The following PARP11 variants were observed in gnomAD, a reference collection of about 807,000 sequenced individuals.
PARP11 encodes the protein poly(ADP-ribose) polymerase family member 11, also known as protein mono-ADP-ribosyltransferase PARP11.
In PARP11, 31 loss-of-function variants were observed where a neutral mutation model predicts 42.9. The observed-to-expected ratio is 0.72, with a 90% confidence interval of 0.54 to 0.98. The LOEUF is 0.98. Ranked by LOEUF, PARP11 falls within the 50% of genes least tolerant of loss-of-function variation. The pLI is 0.00. For missense variants in PARP11, 365 were observed against 413.1 expected, an observed-to-expected ratio of 0.88 and a Z score of 1.01; for synonymous variants, 137 against 127.3, an observed-to-expected ratio of 1.08 and a Z score of -0.51.
chr12:3,861,781 T>C lies in PARP11; in HGVS notation c.18+11431A>G, dbSNP rs1408930927. Among the ~76,000 whole-genome samples, 2 of 152,110 alleles carry C rather than the reference T, an allele frequency of 1.3e-5. No individual in the cohort carries two copies. The highest frequency in any genetic ancestry group is 2.9e-5 in the Non-Finnish European group (2 of 68,036). ...GGCTCACGCCTGTAATCCCAGTACT[T>C]TGGGAGGCCGAGGCGGGCGGATCAC... On this transcript the variant is annotated intron_variant, in intron 1 of 7. Coordinates refer to ENST00000228820, the MANE Select transcript of PARP11 (RefSeq NM_020367.6). The surrounding 1 kb of genome is among the most constrained non-coding windows in gnomAD (Gnocchi z 4.6).
rs140711762 is a variant in PARP11, at chr12:3,812,976, T to C, written c.701-537A>G. On this transcript the variant is annotated intron_variant, in intron 7 of 7. Transcript: ENST00000228820. ...TGCCACCACACCCAACTAATTTTTA[T>C]ATTTTTTTAGTAGAGACAGGGTTTC... Among the ~76,000 whole-genome samples the C allele has an allele frequency of 4.1e-3, 623 of 152,290 alleles. 4 individuals are homozygous for C. Among genetic ancestry groups the C allele is most frequent in the African/African-American group, 0.014 (575 of 41,552 alleles).
rs540759938 is a variant in PARP11, at chr12:3,841,922, G to T, written c.19-11904C>A. 1.4e-4 allele frequency: 219 copies of T among 1,607,716 alleles called. 1 individual carries two copies. The South Asian group carries it at 2.3e-3, about 17-fold the overall frequency. On this transcript the variant is annotated intron_variant, in intron 1 of 7. Transcript: ENST00000228820. ...GTAGATGAGTTTCCAGCAGCCAGGA[G>T]TGAACATGTACATTCTCTCCCTGAA...
Position 3,842,388 on chromosome 12 carries a change from C to A in PARP11, c.19-12370G>T, listed in dbSNP as rs914014586. ...ATCAACATGTGAGAAGTGAGGAGTC[C>A]TGGAAAGGACAGCCAAGCAGAAGTC... On this transcript the variant is annotated intron_variant, in intron 1 of 7. Transcript: ENST00000228820. 16 of 1,611,488 alleles carry A rather than the reference C, an allele frequency of 9.9e-6. No homozygotes were observed. The African/African-American group carries it at 1.9e-4, about 19-fold the overall frequency.
chr12:3,840,256 G>A lies in PARP11; in HGVS notation c.19-10238C>T. On this transcript the variant is annotated intron_variant, in intron 1 of 7. Transcript: ENST00000228820. The surrounding 1 kb of genome is among the most constrained non-coding windows in gnomAD (Gnocchi z 4.4). Reference sequence around the variant, plus strand: ...TGAGAATGGACCAGTTTTGGTTGAAGAACTGGGAAAGTACACATCAAAGAA... The same window carrying A: ...TGAGAATGGACCAGTTTTGGTTGAAAAACTGGGAAAGTACACATCAAAGAA... 1 of 1,613,348 alleles carries A rather than the reference G, an allele frequency of 6.2e-7. No individual in the cohort carries two copies. Among genetic ancestry groups the A allele is most frequent in the Non-Finnish European group, 8.5e-7 (1 of 1,179,276 alleles).
Position 3,810,710 on chromosome 12 carries a change from GAAGAGAAGAGA to G in PARP11, c.*1402_*1412del, listed in dbSNP as rs1483929745. ...AAGAAAGAAGGAAGGAAGAGAGAGA[GAAGAGAAGAGA>G]AAGAGAAAGAGAAAGAGGAAGAGAA... On this transcript the variant is annotated 3_prime_UTR_variant, in exon 8 of 8. Transcript: ENST00000228820. 14 of 116,958 alleles carry G rather than the reference GAAGAGAAGAGA, an allele frequency of 1.2e-4. No homozygotes were observed. Among genetic ancestry groups the G allele is most frequent in the East Asian group, 3.8e-4 (1 of 2,638 alleles). The allele number at this position is 116,958 out of a possible 1,614,324, so 7.2% of individuals were successfully genotyped here.
chr12:3,836,602 G>A (rs1288181791), intron 1 of PARP11, among the ~76,000 whole-genome samples: 1 of 152,216 alleles, frequency 6.6e-6, no homozygotes, highest in African/African-American at 2.4e-5. Flanking sequence ...TGATTTACAA[G>A]TAACTACATA....
At chr12:3,847,561 A>G (rs1356527531) in intron 1 of PARP11, among the ~76,000 whole-genome samples, 2 of 152,250 alleles carry the variant, frequency 1.3e-5, no homozygotes, top group East Asian at 3.8e-4. Flanking sequence ...ACAGAGAACC[A>G]AGAAGAAAAA....
At position 3,814,208 on chromosome 12, in the gene PARP11, A is replaced by C; in HGVS notation, c.549-20T>G. ...TTTTTCCTAAAAACACAATATACAC[A>C]GACACAAAAGCACACAGAAATATAC... is the stretch of plus-strand genomic sequence containing the variant. On this transcript the variant is annotated intron_variant, in intron 6 of 7. Transcript: ENST00000228820. 6.4e-7 allele frequency: 1 copy of C among 1,550,428 alleles called. No individual in the cohort carries two copies. The highest frequency in any genetic ancestry group is 1.2e-5 in the South Asian group (1 of 80,892).
chr12:3,840,059 C>A lies in PARP11; in HGVS notation c.19-10041G>T. On this transcript the variant is annotated intron_variant, in intron 1 of 7. Transcript: ENST00000228820. The surrounding 1 kb of genome is among the most constrained non-coding windows in gnomAD (Gnocchi z 4.4). ...AGAAAGGTTCTTAAGTCACTCAATC[C>A]TGCAGTCTATAGAAATGTGGAATAT... 1 of 1,609,626 alleles carries A rather than the reference C, an allele frequency of 6.2e-7. No individual in the cohort carries two copies. The highest frequency in any genetic ancestry group is 8.5e-7 in the Non-Finnish European group (1 of 1,175,834).
chr12:3,849,984 A>G (rs1347281391), intron 1 of PARP11, among the ~76,000 whole-genome samples: 1 of 150,802 alleles, frequency 6.6e-6, no homozygotes, highest in Non-Finnish European at 1.5e-5. Context: ...TTTAATTTTA[A>G]ATATGTATTT....
At chr12:3,852,579 A>C (rs903359830) in intron 1 of PARP11, among the ~76,000 whole-genome samples, 3 of 151,934 alleles carry the variant, frequency 2.0e-5, no homozygotes, top group African/African-American at 7.2e-5. Flanking sequence ...AAGAAGTTTA[A>C]AGAAAAAAGA....
chr12:3,837,303 T>C (rs1417109983), intron 1 of PARP11, among the ~76,000 whole-genome samples: 1 of 152,162 alleles, frequency 6.6e-6, no homozygotes, highest in Non-Finnish European at 1.5e-5. Flanking sequence ...CACCATCTAG[T>C]GCTTAAAAGG....
intron 6 of PARP11, among the ~76,000 whole-genome samples, chr12:3,818,255 A>G (rs1216988400): frequency 6.6e-6 from 1 of 151,986 alleles, no homozygotes; most frequent in Non-Finnish European, 1.5e-5. Context: ...ACCTCCCTAC[A>G]CTTCATTCGC....
chr12:3,864,083 T>A (rs144180274), intron 1 of PARP11: 1 of 152,222 alleles, frequency 6.6e-6, no homozygotes, highest in East Asian at 1.9e-4. Context: ...CCCTTCCACA[T>A]ACCGTCCATC....
chr12:3,872,868 G>A, intron 1 of PARP11: 2 of 914,000 alleles, frequency 2.2e-6, no homozygotes, highest in South Asian at 5.1e-5. Context: ...GGAGGTTGCG[G>A]TGGGCCGAGA....
At chr12:3,866,756 T>C (rs1470665541) in intron 1 of PARP11, among the ~76,000 whole-genome samples, 6 of 152,182 alleles carry the variant, frequency 3.9e-5, no homozygotes, top group Admixed American at 3.9e-4. Context: ...CAGGTAAAAA[T>C]TCTTGATACT....
chr12:3,848,355 C>A (rs927202246), intron 1 of PARP11, among the ~76,000 whole-genome samples: 30 of 152,110 alleles, frequency 2.0e-4, no homozygotes, highest in African/African-American at 7.0e-4. Context: ...ATAGCCAAAG[C>A]AATCTTGAGC....
At chr12:3,824,489 C>T (rs1296364447) in intron 4 of PARP11, 1 of 219,782 alleles carries the variant, frequency 4.5e-6, no homozygotes, top group Non-Finnish European at 7.7e-6. Flanking sequence ...TATTACCTAC[C>T]TTGCATGTGA....
intron 1 of PARP11, among the ~76,000 whole-genome samples, chr12:3,852,356 T>C (rs1258226132): frequency 1.3e-5 from 2 of 152,152 alleles, no homozygotes; most frequent in Non-Finnish European, 2.9e-5. Flanking sequence ...AGGAAGATGT[T>C]TGAACCCATC....
Sources: gnomAD v4.1 joint callset for allele counts (sites outside exome capture counted in the v4.1 genomes callset) on GRCh38, gnomAD v4.1.1 for gene constraint, Gnocchi (gnomAD v3.1) non-coding constraint, MANE v1.5 for transcripts, NCBI Gene and HGNC (gene_info 2026-07-23, HGNC 2026-07-21) for gene names.